Variants in MGAT5 observed in about 807,000 individuals in gnomAD.
MGAT5 encodes the protein alpha-1,6-mannosylglycoprotein 6-beta-N-acetylglucosaminyltransferase, also known as alpha-1,6-mannosylglycoprotein 6-beta-N-acetylglucosaminyltransferase A.
In MGAT5, 30 loss-of-function variants were observed where a neutral mutation model predicts 94.3. The ratio of observed to expected loss-of-function variants is 0.32; its 90% CI spans 0.24 to 0.43. The LOEUF (loss-of-function observed/expected upper bound fraction) is 0.43, where lower values mean the gene tolerates loss of function less well. Among genes scored for constraint, MGAT5 ranks in the 20% least tolerant of loss-of-function variants. The probability of loss-of-function intolerance (pLI) is 1.00; values close to 1 mark genes in which losing one functional copy is unlikely to be tolerated. For synonymous variants in MGAT5, 310 were observed against 322.9 expected, an observed-to-expected ratio of 0.96 and a Z score of 0.43; for missense variants, 691 against 905.5, an observed-to-expected ratio of 0.76 and a Z score of 3.04.
chr2:134,431,171 T>A (rs1684855051), intron 14 of MGAT5, among the ~76,000 whole-genome samples: 1 of 152,046 alleles, frequency 6.6e-6, no homozygotes, highest in Admixed American at 6.6e-5. Flanking sequence ...AGGAGGAGAT[T>A]GCAGAATGTG....
intron 1 of MGAT5, among the ~76,000 whole-genome samples, chr2:134,148,459 CCTT>C (rs1304731615): frequency 3.9e-5 from 6 of 152,320 alleles, no homozygotes; most frequent in African/African-American, 1.2e-4. Context: ...TACAAACTAA[CCTT>C]CTTCCCTCTC....
chr2:134,427,857 G>A (rs1000893088), intron 13 of MGAT5, among the ~76,000 whole-genome samples: 1 of 152,216 alleles, frequency 6.6e-6, no homozygotes, highest in South Asian at 2.1e-4. Context: ...CCAAATACAG[G>A]TCACTGTCAC....
intron 1 of MGAT5, among the ~76,000 whole-genome samples, chr2:134,129,019 C>T (rs1685990936): frequency 6.6e-6 from 1 of 152,206 alleles, no homozygotes; most frequent in Non-Finnish European, 1.5e-5. Flanking sequence ...TACAAGATTA[C>T]TTCTATTGCT....
intron 10 of MGAT5, among the ~76,000 whole-genome samples, chr2:134,377,185 G>A (rs1277478348): frequency 6.6e-6 from 1 of 152,230 alleles, no homozygotes; most frequent in Non-Finnish European, 1.5e-5. Flanking sequence ...CTTTTCTCAT[G>A]TAACACAGTG....
intron 2 of MGAT5, among the ~76,000 whole-genome samples, chr2:134,298,941 T>C (rs1004564412): frequency 4.6e-5 from 7 of 152,148 alleles, no homozygotes; most frequent in African/African-American, 1.4e-4. Context: ...AAGAAGGAAG[T>C]CACATTTAGA....
chr2:134,338,234 C>A, intron 5 of MGAT5, 25 bp from the exon 6 acceptor site: 4 of 1,553,982 alleles, frequency 2.6e-6, no homozygotes, highest in African/African-American at 2.8e-5. Flanking sequence ...ATCTTCTATT[C>A]ATTTTATTAA....
chr2:134,230,494 G>A (rs1681304635), intron 1 of MGAT5, among the ~76,000 whole-genome samples: 1 of 152,144 alleles, frequency 6.6e-6, no homozygotes, highest in Admixed American at 6.5e-5. Context: ...GTTTCAAATA[G>A]GATATTGAAC....
At chr2:134,421,020 A>G (rs961702247) in intron 12 of MGAT5, among the ~76,000 whole-genome samples, 2 of 152,208 alleles carry the variant, frequency 1.3e-5, no homozygotes, top group South Asian at 2.1e-4. Flanking sequence ...TAAAATTGAC[A>G]TTATGAAGGA....
At chr2:134,431,547 A>C (rs1410833656) in intron 14 of MGAT5, among the ~76,000 whole-genome samples, 2 of 152,154 alleles carry the variant, frequency 1.3e-5, no homozygotes, top group African/African-American at 4.8e-5. Context: ...TTTTGCAGCT[A>C]GACGAATATC....
chr2:134,365,202 T>C (rs1680348679), intron 10 of MGAT5, among the ~76,000 whole-genome samples: 1 of 152,136 alleles, frequency 6.6e-6, no homozygotes, highest in African/African-American at 2.4e-5. Context: ...ATTCTGAAGA[T>C]TCCTGCTGTG....
At chr2:134,345,274 C>T (rs1478947273) in intron 8 of MGAT5, among the ~76,000 whole-genome samples, 3 of 152,160 alleles carry the variant, frequency 2.0e-5, no homozygotes, top group African/African-American at 7.2e-5. Flanking sequence ...CAAGTGTCAA[C>T]CTCCTTTCTA....
chr2:134,120,479 C>T (rs958123148), intron 1 of MGAT5, among the ~76,000 whole-genome samples: 1 of 151,468 alleles, frequency 6.6e-6, no homozygotes, highest in Admixed American at 6.6e-5. Flanking sequence ...GCCCCGGCCC[C>T]GGCCGCTCTG....
At chr2:134,310,750 C>T (rs1346145171) in intron 2 of MGAT5, among the ~76,000 whole-genome samples, 1 of 152,132 alleles carries the variant, frequency 6.6e-6, no homozygotes, top group Non-Finnish European at 1.5e-5. Context: ...TGAATATTTG[C>T]CAAGCTGAGT....
chr2:134,273,324 A>G (rs868059719), intron 2 of MGAT5, among the ~76,000 whole-genome samples: 11 of 152,168 alleles, frequency 7.2e-5, no homozygotes, highest in Admixed American at 3.9e-4. Context: ...CTGTCAACCC[A>G]AGAATGGCTC....
At chr2:134,201,501 T>C (rs1679782128) in intron 1 of MGAT5, among the ~76,000 whole-genome samples, 1 of 152,156 alleles carries the variant, frequency 6.6e-6, no homozygotes, top group Non-Finnish European at 1.5e-5. Flanking sequence ...GAGTGAGTAA[T>C]TAGATTCCCC....
At chr2:134,138,612 G>C (rs1686525796) in intron 1 of MGAT5, among the ~76,000 whole-genome samples, 1 of 152,200 alleles carries the variant, frequency 6.6e-6, no homozygotes, top group Non-Finnish European at 1.5e-5. Context: ...CAGACCTTTT[G>C]GGCATGGTAG....
chr2:134,171,437 G>A (rs1688202669), intron 1 of MGAT5, among the ~76,000 whole-genome samples: 1 of 152,180 alleles, frequency 6.6e-6, no homozygotes, highest in African/African-American at 2.4e-5. Context: ...ACAAGAAGCA[G>A]TTTTGTGCAG....
intron 2 of MGAT5, among the ~76,000 whole-genome samples, chr2:134,273,856 G>A (rs1447901100): frequency 1.3e-5 from 2 of 152,134 alleles, no homozygotes; most frequent in Non-Finnish European, 2.9e-5. Flanking sequence ...AGAGAAAGGG[G>A]ACTCAAAGGA....
intron 1 of MGAT5, among the ~76,000 whole-genome samples, chr2:134,266,236 A>T (rs1683708085): frequency 6.6e-6 from 1 of 150,698 alleles, no homozygotes; most frequent in Non-Finnish European, 1.5e-5. Flanking sequence ...TTTATTTGAG[A>T]TGGAGTATTG....
Sources: allele counts gnomAD v4.1 joint callset (sites outside exome capture counted in the v4.1 genomes callset), GRCh38; gene constraint gnomAD v4.1.1; transcripts MANE v1.5; gene names NCBI Gene and HGNC (gene_info 2026-07-23, HGNC 2026-07-21).